Variants in LSAMP observed in about 807,000 individuals in gnomAD.
LSAMP encodes the protein limbic system-associated membrane protein.
LSAMP carries 7 observed loss-of-function variants against 38.6 expected under a neutral mutation model. That is an observed-to-expected ratio of 0.18 (90% CI 0.10 to 0.34). The LOEUF is 0.34. LSAMP is among the 10% of genes least tolerant of loss of function. LSAMP has a pLI of 1.00. For synonymous variants in LSAMP, 154 were observed against 166.8 expected (o/e 0.92, Z 0.59); for missense variants, 313 against 420.0 (o/e 0.75, Z 2.23).
intron 2 of LSAMP, among the ~76,000 whole-genome samples, chr3:116,068,853 A>C (rs1330955030): frequency 6.6e-6 from 1 of 152,238 alleles, no homozygotes; most frequent in Non-Finnish European, 1.5e-5. Context: ...GGGAGCTTGC[A>C]CTAGTAGAGG....
At chr3:116,124,738 A>T (rs1330943633) in intron 1 of LSAMP, among the ~76,000 whole-genome samples, 1 of 152,178 alleles carries the variant, frequency 6.6e-6, no homozygotes, top group Non-Finnish European at 1.5e-5. Context: ...TAAAGAAATG[A>T]AGCTGTTTAC....
At chr3:115,860,664 G>T (rs948005560) in intron 3 of LSAMP, among the ~76,000 whole-genome samples, 1 of 152,130 alleles carries the variant, frequency 6.6e-6, no homozygotes, top group East Asian at 1.9e-4. Context: ...TTTATTTTTA[G>T]GAGTCCCTCC....
intron 1 of LSAMP, among the ~76,000 whole-genome samples, chr3:116,186,860 A>G (rs561193177): frequency 1.3e-5 from 2 of 152,266 alleles, no homozygotes; most frequent in African/African-American, 4.8e-5. Context: ...TTGAATCAGT[A>G]TATTCAAGTC....
At chr3:116,138,426 T>C (rs1313500054) in intron 1 of LSAMP, among the ~76,000 whole-genome samples, 2 of 152,104 alleles carry the variant, frequency 1.3e-5, no homozygotes, top group Non-Finnish European at 2.9e-5. Flanking sequence ...AGAAATACAA[T>C]TTTTATAAAT....
At chr3:116,259,188 A>G (rs1189021190) in intron 1 of LSAMP, among the ~76,000 whole-genome samples, 1 of 152,300 alleles carries the variant, frequency 6.6e-6, no homozygotes, top group Non-Finnish European at 1.5e-5. Context: ...ACATTTAGCA[A>G]TTTGATAACA....
At chr3:116,069,545 T>TA (rs1318841654) in intron 2 of LSAMP, among the ~76,000 whole-genome samples, 1 of 141,638 alleles carries the variant, frequency 7.1e-6, no homozygotes, top group East Asian at 2.0e-4. Flanking sequence ...GTGTGAGAGA[T>TA]ACCACTTTCC....
intron 6 of LSAMP, among the ~76,000 whole-genome samples, chr3:115,823,842 TA>T (rs1934324351): frequency 6.6e-6 from 1 of 152,074 alleles, no homozygotes; most frequent in African/African-American, 2.4e-5. Flanking sequence ...AGCAATGCAA[TA>T]AAAAATGTTA....
At chr3:116,246,401 G>A (rs940678866) in intron 1 of LSAMP, among the ~76,000 whole-genome samples, 6 of 152,048 alleles carry the variant, frequency 3.9e-5, no homozygotes, top group East Asian at 3.8e-4. Flanking sequence ...GTGCAACCAC[G>A]TTGTGTGCAC....
chr3:116,266,135 G>A lies in LSAMP; in HGVS notation c.155+178742C>T, dbSNP rs72947969. The stretch of plus-strand genomic sequence containing the variant: ...TACTTAAGCATTAACACCCCTTTCT[G>A]TTGCTAGCCCACCTCTTCCCTCCCT... On this transcript the variant is annotated intron_variant, in intron 1 of 6. Transcript: ENST00000490035. 1.6e-3 allele frequency among the ~76,000 whole-genome samples: 246 copies of A among 152,202 alleles called. 1 individual carries two copies. The highest frequency in any genetic ancestry group is 5.7e-3 in the African/African-American group (235 of 41,530).
At chr3:115,885,650 C>T (rs1196274802) in intron 3 of LSAMP, among the ~76,000 whole-genome samples, 3 of 149,782 alleles carry the variant, frequency 2.0e-5, no homozygotes, top group South Asian at 2.1e-4. Context: ...GGTGGGGGGA[C>T]AAGTATCTGC....
chr3:116,099,912 C>T (rs1345243138), intron 1 of LSAMP, among the ~76,000 whole-genome samples: 1 of 152,086 alleles, frequency 6.6e-6, no homozygotes, highest in Non-Finnish European at 1.5e-5. Context: ...AAATGGTATA[C>T]TCAGCTGCTC....
At chr3:115,951,784 C>T (rs563549260) in intron 3 of LSAMP, among the ~76,000 whole-genome samples, 3 of 152,262 alleles carry the variant, frequency 2.0e-5, no homozygotes, top group Non-Finnish European at 2.9e-5. Context: ...CCCCAGCTTG[C>T]AGATGGCCTA....
chr3:115,858,149 C>G (rs1935565004), intron 3 of LSAMP, among the ~76,000 whole-genome samples: 1 of 151,478 alleles, frequency 6.6e-6, no homozygotes, highest in South Asian at 2.1e-4. Flanking sequence ...CTCTCTCTCT[C>G]TCTCTCTCTC....
intron 6 of LSAMP, among the ~76,000 whole-genome samples, chr3:115,836,222 A>G (rs552414220): frequency 8.1e-4 from 123 of 152,134 alleles, no homozygotes; most frequent in Admixed American, 1.8e-3. Flanking sequence ...CCCTGTTATC[A>G]TCGTCTTAGG....
At chr3:115,850,309 TCA>T (rs1420252484) in intron 4 of LSAMP, among the ~76,000 whole-genome samples, 1 of 152,190 alleles carries the variant, frequency 6.6e-6, no homozygotes, top group African/African-American at 2.4e-5. Context: ...CTTTGATGTT[TCA>T]CACAATGGAA....
chr3:115,982,170 G>C (rs947446963), intron 3 of LSAMP, among the ~76,000 whole-genome samples: 3 of 152,168 alleles, frequency 2.0e-5, no homozygotes, highest in Non-Finnish European at 4.4e-5. Context: ...GACAGCCTAA[G>C]GCTTTCATAA....
At position 116,166,776 on chromosome 3, in the gene LSAMP, GT is replaced by G. The variant is rs1231142461; in HGVS notation, c.156-80221del. On this transcript the variant is annotated intron_variant, in intron 1 of 6. Coordinates refer to ENST00000490035, the MANE Select transcript of LSAMP (RefSeq NM_002338.5). ...ACAACTTTTAAATCTAAAATTTTTA[GT>G]TTTTTTTTTGTTTTTTTTTTTTTTT... Among the ~76,000 whole-genome samples, 55 of 129,606 alleles carry G rather than the reference GT, an allele frequency of 4.2e-4. 1 individual carries two copies. Among genetic ancestry groups the G allele is most frequent in the Admixed American group, 3.2e-3 (42 of 12,930 alleles). The allele number at this position is 129,606 out of a possible 152,430, so 85.0% of individuals were successfully genotyped here.
intron 2 of LSAMP, among the ~76,000 whole-genome samples, chr3:116,040,588 C>A (rs1941146144): frequency 6.6e-6 from 1 of 152,228 alleles, no homozygotes; most frequent in Non-Finnish European, 1.5e-5. Flanking sequence ...AGCAATTCCA[C>A]AAAAGAAGTG....
intron 1 of LSAMP, among the ~76,000 whole-genome samples, chr3:116,198,637 A>T (rs1166398138): frequency 6.6e-6 from 1 of 151,948 alleles, no homozygotes; most frequent in Non-Finnish European, 1.5e-5. Context: ...CGGGCTTCGT[A>T]GCGGGCAGCT....
Sources: allele counts gnomAD v4.1 joint callset (sites outside exome capture counted in the v4.1 genomes callset), GRCh38; gene constraint gnomAD v4.1.1; transcripts MANE v1.5; gene names NCBI Gene and HGNC (gene_info 2026-07-23, HGNC 2026-07-21).